Variants in VPS13C observed in about 807,000 individuals in gnomAD.
The protein encoded by VPS13C is vacuolar protein sorting 13 homolog C.
A neutral mutation model predicts 456.8 loss-of-function variants in VPS13C; 358 were observed. That is an observed-to-expected ratio of 0.78 (90% CI 0.72 to 0.86). The LOEUF is 0.86. Among genes scored for constraint, VPS13C ranks in the 40% least tolerant of loss-of-function variants. The pLI is 0.00. For missense variants in VPS13C, 4,818 were observed against 4,385.4 expected, an observed-to-expected ratio of 1.10 and a Z score of -2.79; for synonymous variants, 1,578 against 1,486.7, an observed-to-expected ratio of 1.06 and a Z score of -1.41.
chr15:61,862,420 A>G (rs954741928), intron 82 of VPS13C, among the ~76,000 whole-genome samples: 9 of 152,168 alleles, frequency 5.9e-5, no homozygotes. Context: ...ACTAAGTATT[A>G]CCAATAAGTA....
intron 16 of VPS13C, among the ~76,000 whole-genome samples, chr15:61,999,735 C>A (rs1388442162): frequency 6.6e-6 from 1 of 150,528 alleles, no homozygotes; most frequent in Non-Finnish European, 1.5e-5. Context: ...GCGCACAAGG[C>A]ATCAATAAAT....
intron 73 of VPS13C, among the ~76,000 whole-genome samples, chr15:61,879,010 G>GGTTT (rs1259684524): frequency 6.6e-6 from 1 of 151,914 alleles, no homozygotes; most frequent in East Asian, 1.9e-4. Context: ...TTCATATGAG[G>GGTTT]GAAACCGACA....
At chr15:61,913,655 T>C (rs950863332) in intron 61 of VPS13C, among the ~76,000 whole-genome samples, 2 of 152,140 alleles carry the variant, frequency 1.3e-5, no homozygotes, top group Non-Finnish European at 2.9e-5. Context: ...ACCTATGCAA[T>C]GAGTATAGTA....
At position 61,922,399 on chromosome 15, in the gene VPS13C, G is replaced by A. The variant is rs916946765; in HGVS notation, c.6973C>T (p.Gln2325Ter). 5 of 1,611,814 alleles carry A rather than the reference G, an allele frequency of 3.1e-6. No individual in the cohort carries two copies. The highest frequency in any genetic ancestry group is 4.2e-6 in the Non-Finnish European group (5 of 1,178,880). The stretch of plus-strand genomic sequence containing the variant: ...GGTATTAAGTGATGTGGCCATACCT[G>A]TAGTGTCACGTCAGCAACAGCAGCC... ...LMAAVADVTL[Q>*]VHYYNEIHAV... is the part of the protein sequence containing the mutation. The change falls in exon 54 of 85, where the codon CAG becomes TAG. Residue 2325 changes from glutamine to a stop codon, truncating the protein, a stop_gained and splice_region_variant. Transcript: ENST00000644861. LOFTEE classifies it high-confidence loss of function.
Position 61,941,766 on chromosome 15 carries a change from G to A in VPS13C, c.5450C>T (p.Ser1817Leu). ...CAATTAGATTACATATTTATACCTT[G>A]ACAGCTTCAACTGAGTGAGTTCGAT... The part of the protein sequence containing the change: ...MNIELTQLKL[S>L]RTILQASLPQ... Residue 1817 changes from serine to leucine, a missense_variant, in exon 46 of 85, where the codon TCA (serine) becomes TTA (leucine). Around this residue, in one of 3 missense-constraint regions of VPS13C, gnomAD observed 4,552 missense variants for 4,130.6 expected, o/e 1.10. Coordinates refer to ENST00000644861, the MANE Select transcript of VPS13C (RefSeq NM_020821.3). The A allele has an allele frequency of 6.2e-7, 1 of 1,607,260 alleles. No homozygotes were observed. The highest frequency in any genetic ancestry group is 8.5e-7 in the Non-Finnish European group (1 of 1,176,356).
intron 66 of VPS13C, among the ~76,000 whole-genome samples, chr15:61,905,583 T>C (rs1360478229): frequency 6.6e-6 from 1 of 152,144 alleles, no homozygotes; most frequent in Non-Finnish European, 1.5e-5. Flanking sequence ...ATCGTAAGAA[T>C]TAGTGATAAT....
At chr15:62,033,086 T>C (rs938038629) in intron 5 of VPS13C, among the ~76,000 whole-genome samples, 1 of 151,650 alleles carries the variant, frequency 6.6e-6, no homozygotes, top group African/African-American at 2.4e-5. Context: ...TTAACCTCAT[T>C]ATCCAGCAAG....
chr15:61,970,373 T>C (rs1236169623), intron 27 of VPS13C, among the ~76,000 whole-genome samples: 2 of 152,070 alleles, frequency 1.3e-5, no homozygotes, highest in African/African-American at 4.8e-5. Flanking sequence ...CAAAATAAAA[T>C]AGTTGTTTTA....
chr15:61,880,030 T>C (rs955447222), intron 73 of VPS13C, among the ~76,000 whole-genome samples: 6 of 152,130 alleles, frequency 3.9e-5, no homozygotes, highest in African/African-American at 1.4e-4. Context: ...TAGAGCATTA[T>C]GGTTGATAGC....
intron 67 of VPS13C, 103 bp from the exon 68 acceptor site, chr15:61,884,372 T>A: frequency 8.1e-7 from 1 of 1,232,804 alleles, no homozygotes; most frequent in Non-Finnish European, 1.1e-6. Flanking sequence ...CTATGAAAAT[T>A]ACATTGGTAT....
intron 1 of VPS13C, among the ~76,000 whole-genome samples, chr15:62,045,875 A>G (rs1447948478): frequency 6.6e-6 from 1 of 152,178 alleles, no homozygotes; most frequent in African/African-American, 2.4e-5. Flanking sequence ...AAGACATGGG[A>G]AAATGTTCAC....
chr15:62,034,944 T>G lies in VPS13C; in HGVS notation c.283+13A>C. The G allele has an allele frequency of 6.4e-7, 1 of 1,570,142 alleles. No individual in the cohort carries two copies. The highest frequency in any genetic ancestry group is 2.3e-5 in the East Asian group (1 of 43,996). On this transcript the variant is annotated intron_variant, in intron 4 of 84. Transcript: ENST00000644861. ...GTGATGTTATTGAATGGTTATAACC[T>G]AAAATAACATACTTGCTCCAGGGAC... is the stretch of plus-strand genomic sequence containing the variant.
chr15:61,983,085 G>A (rs1185222311), intron 20 of VPS13C, among the ~76,000 whole-genome samples: 1 of 152,122 alleles, frequency 6.6e-6, no homozygotes, highest in Non-Finnish European at 1.5e-5. Flanking sequence ...CTTAAAAACA[G>A]TTAAGATGTT....
chr15:61,860,195 A>C (rs1432468708), intron 82 of VPS13C, among the ~76,000 whole-genome samples: 1 of 152,202 alleles, frequency 6.6e-6, no homozygotes, highest in African/African-American at 2.4e-5. Context: ...AGTAATTCAC[A>C]AAGTAGCAAA....
intron 68 of VPS13C, 117 bp downstream of exon 68, chr15:61,884,011 C>T (rs1896077654): frequency 1.2e-6 from 1 of 853,818 alleles, no homozygotes. Context: ...AAAAGTTTAT[C>T]TACCAATAAA....
rs888983291 is a variant in VPS13C, at chr15:61,941,814, G to T, written c.5402C>A (p.Pro1801His). 1.2e-6 allele frequency: 2 copies of T among 1,613,418 alleles called. No individual in the cohort carries two copies. The highest frequency in any genetic ancestry group is 2.7e-5 in the African/African-American group (2 of 74,924). The change falls in exon 46 of 85, where the codon CCT becomes CAT. Residue 1801 changes from proline (P) to histidine (H), a missense_variant. By Grantham distance (77) the Pro-to-His change is moderately conservative. Coordinates refer to ENST00000644861, the MANE Select transcript of VPS13C (RefSeq NM_020821.3). ...SLVPMEHYSL[P>H]PVIDKMNIEL... ...GATGTTCATTTTATCAATGACTGGA[G>T]GAAGAGAATAATGTTCCATAGGAAC...
At chr15:61,953,292 GGTTA>G (rs746113364) in intron 38 of VPS13C, among the ~76,000 whole-genome samples, 55 of 151,560 alleles carry the variant, frequency 3.6e-4, no homozygotes, top group Non-Finnish European at 3.8e-4. Context: ...ACAATGCGCA[GGTTA>G]GTTATATATG....
rs781776156 is a variant in VPS13C, at chr15:61,878,715, C to T, written c.10034G>A (p.Gly3345Asp). ...CTGTTTTTCTTTGTCTGATTCTTCA[C>T]CTCCGGAACCCAAAGACAAACTCAA... is the stretch of plus-strand genomic sequence containing the variant. ...LHLSLSLGSGGEESDKEKQEM... is the reference protein window; with the variant it reads ...LHLSLSLGSGDEESDKEKQEM... Residue 3345 changes from glycine (G) to aspartate (D), a missense_variant, in exon 74 of 85, where the codon GGT becomes GAT. Gly to Asp is a moderately conservative substitution (Grantham distance 94). Around this residue, in one of 3 missense-constraint regions of VPS13C, gnomAD observed 4,552 missense variants for 4,130.6 expected, o/e 1.10. Transcript: ENST00000644861. 3.1e-6 allele frequency: 5 copies of T among 1,609,526 alleles called. No individual in the cohort carries two copies. Among genetic ancestry groups the T allele is most frequent in the South Asian group, 1.1e-5 (1 of 90,434 alleles).
rs5813124 is a variant in VPS13C at position 61,854,041 on chromosome 15, C to CAAA, written c.*413_*415dup. 6.3e-4 allele frequency: 87 copies of CAAA among 137,336 alleles called. No individual in the cohort carries two copies. Among genetic ancestry groups the CAAA allele is most frequent in the African/African-American group, 1.4e-3 (47 of 33,476 alleles). 8.5% of individuals were successfully genotyped at this position (137,336 alleles called of 1,614,324 possible). ...TGGGCGACAGAGCAAGACTCGGTCT[C>CAAA]AAAAAAAAAAAAAACCCCAAAAAAA... On this transcript the variant is annotated 3_prime_UTR_variant, in exon 85 of 85. Coordinates refer to ENST00000644861, the MANE Select transcript of VPS13C (RefSeq NM_020821.3).
Sources: gnomAD v4.1 joint callset for allele counts (sites outside exome capture counted in the v4.1 genomes callset) on GRCh38, gnomAD v4.1.1 for gene constraint, gnomAD v4.1.1 regional missense constraint, MANE v1.5 for transcripts, NCBI Gene and HGNC (gene_info 2026-07-23, HGNC 2026-07-21) for gene names.